The following CFAP61 variants were observed in gnomAD, a reference collection of about 807,000 sequenced individuals.
CFAP61 encodes the protein cilia- and flagella-associated protein 61.
A neutral mutation model predicts 135.6 loss-of-function variants in CFAP61; 107 were observed. The observed-to-expected ratio is 0.79, with a 90% CI of 0.67 to 0.93. CFAP61 has a LOEUF of 0.93. CFAP61 is among the 40% of genes least tolerant of loss of function. The probability of loss-of-function intolerance (pLI) is 0.00; values close to 1 mark genes in which losing one functional copy is unlikely to be tolerated. For missense variants in CFAP61, 1,507 were observed against 1,556.2 expected, an observed-to-expected ratio of 0.97 and a Z score of 0.53; for synonymous variants, 575 against 578.5, an observed-to-expected ratio of 0.99 and a Z score of 0.09.
At chr20:20,299,839 C>T (rs531125755) in intron 25 of CFAP61, among the ~76,000 whole-genome samples, 1 of 152,164 alleles carries the variant, frequency 6.6e-6, no homozygotes, top group Non-Finnish European at 1.5e-5. Context: ...TACAATCGGA[C>T]GTTGTGAACA....
chr20:20,052,802 C>G, intron 1 of CFAP61: 2 of 1,389,526 alleles, frequency 1.4e-6, no homozygotes, highest in African/African-American at 1.4e-5. Context: ...ACTACCATTC[C>G]CAGCATGCGA....
chr20:20,108,726 C>G (rs1309067088), intron 8 of CFAP61, among the ~76,000 whole-genome samples: 2 of 151,704 alleles, frequency 1.3e-5, no homozygotes, highest in Non-Finnish European at 2.9e-5. Flanking sequence ...GTTGCAGATA[C>G]GTTTTTTTCT....
At chr20:20,293,334 T>A (rs1418398196) in intron 24 of CFAP61, among the ~76,000 whole-genome samples, 1 of 152,234 alleles carries the variant, frequency 6.6e-6, no homozygotes, top group Non-Finnish European at 1.5e-5. Context: ...TATGACAGTA[T>A]GTGAACAGGA....
chr20:20,348,263 A>G (rs1030842345), intron 26 of CFAP61, among the ~76,000 whole-genome samples: 1 of 152,216 alleles, frequency 6.6e-6, no homozygotes, highest in African/African-American at 2.4e-5. Context: ...AAAAATAGCC[A>G]GCAGATTATT....
chr20:20,137,448 CTG>C (rs553882091), intron 8 of CFAP61, among the ~76,000 whole-genome samples: 164 of 152,292 alleles, frequency 1.1e-3, no homozygotes, highest in African/African-American at 3.7e-3. Flanking sequence ...GCTGGCCTGA[CTG>C]TGACAGCACT....
chr20:20,336,263 A>T (rs773573170), intron 25 of CFAP61, among the ~76,000 whole-genome samples: 2 of 152,360 alleles, frequency 1.3e-5, no homozygotes, highest in Non-Finnish European at 2.9e-5. Flanking sequence ...TAACGAGCAC[A>T]TCAAACCTGT....
At position 20,359,857 on chromosome 20, in the gene CFAP61, A is replaced by G. The variant is rs1177914088; in HGVS notation, c.3514-353A>G. On this transcript the variant is annotated intron_variant, in intron 26 of 26. Coordinates refer to ENST00000245957, the MANE Select transcript of CFAP61 (RefSeq NM_015585.4). The surrounding 1 kb of genome is among the most constrained non-coding windows in gnomAD (Gnocchi z 4.0). ...ATGAGATGCCTGCGTAGTCACATTC[A>G]TAGAGACAGAGGTGGTTTCCAGGGC... Among the ~76,000 whole-genome samples the G allele has an allele frequency of 1.3e-5, 2 of 152,176 alleles. No individual in the cohort carries two copies. Among genetic ancestry groups the G allele is most frequent in the East Asian group, 1.9e-4 (1 of 5,190 alleles).
Position 20,094,099 on chromosome 20 carries a change from G to T in CFAP61, c.699+3123G>T, listed in dbSNP as rs2047397012. On this transcript the variant is annotated intron_variant, in intron 7 of 26. Transcript: ENST00000245957. The stretch of plus-strand genomic sequence containing the variant: ...ATGACATGACTTTATAGAGATGTGG[G>T]TATTAGTTTCTGAAGGTGACAATTG... Among the ~76,000 whole-genome samples, 3 of 152,302 alleles carry T rather than the reference G, an allele frequency of 2.0e-5. No homozygotes were observed. In the South Asian group the frequency reaches 6.2e-4, roughly 32 times the overall value.
intron 17 of CFAP61, among the ~76,000 whole-genome samples, chr20:20,202,110 C>T (rs1041038896): frequency 6.6e-6 from 1 of 152,014 alleles, no homozygotes; most frequent in African/African-American, 2.4e-5. Flanking sequence ...TGCTATGATC[C>T]GAAACCATTG....
At chr20:20,068,128 T>G (rs1005325038) in intron 2 of CFAP61, among the ~76,000 whole-genome samples, 16 of 152,240 alleles carry the variant, frequency 1.1e-4, no homozygotes, top group African/African-American at 3.6e-4. Flanking sequence ...TGCATTTCGT[T>G]AGAATTGGAT....
intron 15 of CFAP61, among the ~76,000 whole-genome samples, chr20:20,194,778 A>G (rs2056169464): frequency 1.3e-5 from 2 of 152,218 alleles, no homozygotes; most frequent in African/African-American, 4.8e-5. Flanking sequence ...CAGGGACTCC[A>G]GGTGACCCAA....
At chr20:20,303,299 G>A (rs1331638743) in intron 25 of CFAP61, among the ~76,000 whole-genome samples, 2 of 152,202 alleles carry the variant, frequency 1.3e-5, no homozygotes, top group African/African-American at 4.8e-5. Context: ...CTACTACAGG[G>A]AGTGCCGCTG....
At chr20:20,169,600 T>G (rs2054077737) in intron 13 of CFAP61, 140 bp downstream of exon 13, 2 of 711,284 alleles carry the variant, frequency 2.8e-6, no homozygotes, top group South Asian at 5.2e-5. Context: ...TAAGTGATTT[T>G]AACTAATACA....
intron 25 of CFAP61, among the ~76,000 whole-genome samples, chr20:20,318,584 C>G (rs1239548836): frequency 6.6e-6 from 1 of 152,158 alleles, no homozygotes; most frequent in African/African-American, 2.4e-5. Flanking sequence ...TGGGATTGGC[C>G]TCCCCTGATG....
intron 14 of CFAP61, among the ~76,000 whole-genome samples, chr20:20,191,013 G>A (rs1940818488): frequency 1.3e-5 from 2 of 152,182 alleles, no homozygotes; most frequent in South Asian, 4.1e-4. Context: ...CAGTTGCTTG[G>A]GAGGCTGAGG....
intron 21 of CFAP61, among the ~76,000 whole-genome samples, chr20:20,274,886 GT>G (rs1277176516): frequency 6.6e-6 from 1 of 152,170 alleles, no homozygotes; most frequent in Non-Finnish European, 1.5e-5. Flanking sequence ...TAGAAAGCCT[GT>G]TTAAATGAAA....
chr20:20,157,894 A>G (rs2053066590), intron 9 of CFAP61, among the ~76,000 whole-genome samples: 1 of 152,238 alleles, frequency 6.6e-6, no homozygotes, highest in Non-Finnish European at 1.5e-5. Flanking sequence ...TGTTTCTACA[A>G]CATATTTTTT....
At chr20:20,342,963 C>T (rs1351961714) in intron 26 of CFAP61, among the ~76,000 whole-genome samples, 2 of 151,912 alleles carry the variant, frequency 1.3e-5, no homozygotes, top group African/African-American at 2.4e-5. Flanking sequence ...CAGGTTCAAG[C>T]GATTCTCCTG....
chr20:20,058,742 A>G (rs1404632661), intron 2 of CFAP61, among the ~76,000 whole-genome samples: 2 of 152,260 alleles, frequency 1.3e-5, no homozygotes, highest in Non-Finnish European at 2.9e-5. Context: ...GAATTTAATT[A>G]AAAATAGTCA....
Sources: allele counts gnomAD v4.1 joint callset (sites outside exome capture counted in the v4.1 genomes callset), GRCh38; gene constraint gnomAD v4.1.1; non-coding constraint Gnocchi (gnomAD v3.1); transcripts MANE v1.5; gene names NCBI Gene and HGNC (gene_info 2026-07-23, HGNC 2026-07-21).